Variants in DCC observed in about 807,000 individuals in gnomAD.
The protein encoded by DCC is netrin receptor DCC.
Under a neutral mutation model 172.5 loss-of-function variants are expected in DCC, and 58 were observed. That is an observed-to-expected ratio of 0.34 (90% CI 0.27 to 0.42). The LOEUF (loss-of-function observed/expected upper bound fraction) is 0.42, where lower values mean the gene tolerates loss of function less well. DCC is among the 10% of genes least tolerant of loss of function. DCC has a pLI of 1.00. For synonymous variants in DCC, 709 were observed against 644.5 expected (o/e 1.10, Z -1.52); for missense variants, 1,740 against 1,791.0 (o/e 0.97, Z 0.51).
intron 1 of DCC, among the ~76,000 whole-genome samples, chr18:52,544,269 G>T (rs2032549585): frequency 6.6e-6 from 1 of 152,100 alleles, no homozygotes; most frequent in Non-Finnish European, 1.5e-5. Context: ...GCTGTCATTG[G>T]CTCTTCCCGA....
chr18:52,864,574 G>A (rs1416371331), intron 2 of DCC, among the ~76,000 whole-genome samples: 1 of 151,916 alleles, frequency 6.6e-6, no homozygotes, highest in Non-Finnish European at 1.5e-5. Flanking sequence ...TGTTACATGG[G>A]TATACACACG....
chr18:53,330,263 A>T lies in DCC; in HGVS notation c.2164+8106A>T, dbSNP rs1380912944. Reference sequence around the variant, plus strand: ...CTTTCAAAGTATCATTTCCCTTAAGATTGATTGTATTCTTCACTTTGTGAC... The same window carrying T: ...CTTTCAAAGTATCATTTCCCTTAAGTTTGATTGTATTCTTCACTTTGTGAC... On this transcript the variant is annotated intron_variant, in intron 14 of 28. Transcript: ENST00000442544. 2.0e-5 allele frequency among the ~76,000 whole-genome samples: 3 copies of T among 152,158 alleles called. No individual in the cohort carries two copies. The East Asian group carries it at 5.8e-4, about 29-fold the overall frequency.
chr18:53,200,520 A>C (rs566986474), intron 9 of DCC, among the ~76,000 whole-genome samples: 69 of 152,274 alleles, frequency 4.5e-4, no homozygotes, highest in African/African-American at 1.6e-3. Flanking sequence ...TTACTTGCAC[A>C]ACTCAATGGA....
At chr18:52,798,204 C>A (rs192913178) in intron 2 of DCC, among the ~76,000 whole-genome samples, 1 of 152,084 alleles carries the variant, frequency 6.6e-6, no homozygotes, top group African/African-American at 2.4e-5. Context: ...GCAAGCTTTG[C>A]AATACATAAT....
In DCC at chr18:52,476,987, G is replaced by A. The variant is rs538024972; in HGVS notation, c.91+136109G>A. ...AAAGCAATTATATACAAGGCAGCCC[G>A]TGCAACACCGAGCCATGGGAAAGAC... On this transcript the variant is annotated intron_variant, in intron 1 of 28. Transcript: ENST00000442544. 9.1e-4 allele frequency among the ~76,000 whole-genome samples: 139 copies of A among 152,154 alleles called. 1 individual carries two copies. Among genetic ancestry groups the A allele is most frequent in the African/African-American group, 3.2e-3 (132 of 41,522 alleles).
intron 1 of DCC, among the ~76,000 whole-genome samples, chr18:52,605,966 A>G (rs2034122874): frequency 6.6e-6 from 1 of 152,060 alleles, no homozygotes; most frequent in South Asian, 2.1e-4. Context: ...TATTATTCAG[A>G]TCACTTATAT....
intron 2 of DCC, among the ~76,000 whole-genome samples, chr18:52,859,198 A>G (rs2039097441): frequency 6.6e-6 from 1 of 152,112 alleles, no homozygotes; most frequent in Non-Finnish European, 1.5e-5. Flanking sequence ...TGTCCCTAAG[A>G]TCACAAAACT....
chr18:53,106,265 G>A (rs1371355072), intron 7 of DCC, among the ~76,000 whole-genome samples: 2 of 151,804 alleles, frequency 1.3e-5, no homozygotes, highest in African/African-American at 4.8e-5. Context: ...AGCACATTTT[G>A]CCATCTGCCA....
At chr18:53,297,316 C>G (rs530305794) in intron 12 of DCC, among the ~76,000 whole-genome samples, 1 of 152,150 alleles carries the variant, frequency 6.6e-6, no homozygotes, top group Non-Finnish European at 1.5e-5. Context: ...TCTTTTCCAT[C>G]AGGTTTACTT....
At chr18:53,264,289 C>T in intron 12 of DCC, among the ~76,000 whole-genome samples, 1 of 151,888 alleles carries the variant, frequency 6.6e-6, no homozygotes, top group East Asian at 1.9e-4. Context: ...GAGTTCAAGA[C>T]CAGCCTGGCT....
intron 1 of DCC, among the ~76,000 whole-genome samples, chr18:52,533,794 T>C (rs1049450674): frequency 2.6e-5 from 4 of 152,232 alleles, no homozygotes; most frequent in African/African-American, 9.6e-5. Context: ...GCTAATTGCA[T>C]GTAAATTTCC....
At chr18:53,453,823 C>A (rs938391885) in intron 23 of DCC, among the ~76,000 whole-genome samples, 1 of 151,952 alleles carries the variant, frequency 6.6e-6, no homozygotes, top group South Asian at 2.1e-4. Flanking sequence ...TTCTCTTTAG[C>A]TTTTTTTGTT....
intron 5 of DCC, among the ~76,000 whole-genome samples, chr18:52,967,382 TG>T (rs2040952387): frequency 6.6e-6 from 1 of 152,188 alleles, no homozygotes; most frequent in African/African-American, 2.4e-5. Flanking sequence ...TCTTTCTTAA[TG>T]ACAATGTAAT....
At chr18:52,698,206 C>A (rs1174629774) in intron 1 of DCC, among the ~76,000 whole-genome samples, 2 of 152,128 alleles carry the variant, frequency 1.3e-5, no homozygotes, top group Admixed American at 6.5e-5. Context: ...TCCACAACAT[C>A]AAGCCATGGA....
intron 8 of DCC, among the ~76,000 whole-genome samples, chr18:53,168,414 A>G (rs952248570): frequency 2.6e-5 from 4 of 152,116 alleles, no homozygotes; most frequent in African/African-American, 9.7e-5. Flanking sequence ...TGTCCTTTGC[A>G]GGGACATGGA....
At position 52,765,199 on chromosome 18, in the gene DCC, A is replaced by ATTTTTTTTTTT. The variant is rs369735420; in HGVS notation, c.412+12825_412+12826insTTTTTTTTTTT. Among the ~76,000 whole-genome samples the ATTTTTTTTTTT allele has an allele frequency of 1.7e-3, 203 of 120,000 alleles. 2 individuals carry two copies. Among genetic ancestry groups the ATTTTTTTTTTT allele is most frequent in the Non-Finnish European group, 2.3e-3 (135 of 59,840 alleles). 78.7% of individuals were successfully genotyped at this position (120,000 alleles called of 152,430 possible). A position where few individuals can be genotyped will look rare whatever the true frequency, so the allele number is the denominator to read the frequency against. ...CAGGCATGTGCTAGCACTCCTGGCT[A>ATTTTTTTTTTT]ATTTTTTTTTTTTTTTTTTGTATTT... On this transcript the variant is annotated intron_variant, in intron 2 of 28. Transcript: ENST00000442544.
chr18:53,307,296 T>G (rs1406649755), intron 13 of DCC, among the ~76,000 whole-genome samples: 1 of 152,204 alleles, frequency 6.6e-6, no homozygotes, highest in Non-Finnish European at 1.5e-5. Flanking sequence ...CAATATCCTA[T>G]GTTTTTCTTT....
intron 7 of DCC, among the ~76,000 whole-genome samples, chr18:53,106,818 A>G (rs1252346310): frequency 6.6e-6 from 1 of 151,974 alleles, no homozygotes; most frequent in Non-Finnish European, 1.5e-5. Flanking sequence ...TACTTGTTTC[A>G]ATATAAGGTA....
At chr18:52,736,794 A>G (rs760792311) in intron 1 of DCC, among the ~76,000 whole-genome samples, 10 of 152,166 alleles carry the variant, frequency 6.6e-5, no homozygotes, top group Non-Finnish European at 1.5e-4. Context: ...AGCTACAGGT[A>G]TTAGGAGAGA....
Sources: allele counts gnomAD v4.1 joint callset (sites outside exome capture counted in the v4.1 genomes callset), GRCh38; gene constraint gnomAD v4.1.1; transcripts MANE v1.5; gene names NCBI Gene and HGNC (gene_info 2026-07-23, HGNC 2026-07-21).